CNTRL: variants seen among roughly 807,000 people sequenced by gnomAD.
The protein encoded by CNTRL is 110 kDa centrosomal protein.
Under a neutral mutation model 303.7 loss-of-function variants are expected in CNTRL, and 233 were observed. That is an observed-to-expected ratio of 0.77 (90% CI 0.69 to 0.86). The LOEUF (loss-of-function observed/expected upper bound fraction) is 0.86, where lower values mean the gene tolerates loss of function less well. CNTRL is among the 40% of genes least tolerant of loss of function. The pLI, the probability that CNTRL is intolerant of heterozygous loss-of-function variation, is 0.00. For missense variants in CNTRL, 2,524 were observed against 2,650.6 expected (o/e 0.95, Z 1.05); for synonymous variants, 900 against 922.2 (o/e 0.98, Z 0.44).
chr9:121,091,982 A>T, intron 4 of CNTRL, among the ~76,000 whole-genome samples: 1 of 142,272 alleles, frequency 7.0e-6, no homozygotes, highest in Non-Finnish European at 1.5e-5. Flanking sequence ...CCCTCTCCTC[A>T]GTCGCACTCT....
intron 2 of CNTRL, among the ~76,000 whole-genome samples, chr9:121,082,365 G>A (rs1382099275): frequency 6.6e-6 from 1 of 152,178 alleles, no homozygotes; most frequent in African/African-American, 2.4e-5. Context: ...ATACTCCTAA[G>A]TTAGGCTTTC....
intron 26 of CNTRL, among the ~76,000 whole-genome samples, chr9:121,153,844 TCTGA>T (rs1228048511): frequency 6.6e-6 from 1 of 152,192 alleles, no homozygotes; most frequent in Non-Finnish European, 1.5e-5. Context: ...GCAGCAGACA[TCTGA>T]CTAATAGTCC....
intron 19 of CNTRL, among the ~76,000 whole-genome samples, chr9:121,142,650 T>C (rs1418735867): frequency 6.6e-6 from 1 of 152,198 alleles, no homozygotes; most frequent in Non-Finnish European, 1.5e-5. Flanking sequence ...ATGGCTTTTC[T>C]CCATTCCACC....
Position 121,107,819 on chromosome 9 carries a change from G to C in CNTRL, c.826G>C (p.Glu276Gln). 4 of 1,579,796 alleles carry C rather than the reference G, an allele frequency of 2.5e-6. No homozygotes were observed. Among genetic ancestry groups the C allele is most frequent in the Non-Finnish European group, 3.4e-6 (4 of 1,168,900 alleles). Residue 276 changes from glutamate (E) to glutamine (Q), a missense_variant, in exon 8 of 44, where the codon GAA (glutamate) becomes CAA (glutamine). Glu to Gln is a conservative substitution (Grantham distance 29). Coordinates refer to ENST00000373855, the MANE Select transcript of CNTRL (RefSeq NM_007018.6). ...RFSLEEVERLERDLEKKMIET... is the reference protein window; with the variant it reads ...RFSLEEVERLQRDLEKKMIET... Reference sequence around the variant, plus strand: ...ATTGGCAGAAGAGGTAGAAAGACTGGAAAGAGACCTAGAAAAAAAGATGAT... The same window carrying C: ...ATTGGCAGAAGAGGTAGAAAGACTGCAAAGAGACCTAGAAAAAAAGATGAT...
In CNTRL at chr9:121,118,649, A is replaced by G. The variant is rs145859497; in HGVS notation, c.1650+109A>G. On this transcript the variant is annotated intron_variant, in intron 12 of 43. Transcript: ENST00000373855. ...CTGAAAGTCTGTTTTAGTTTGATGT[A>G]CAAATTTAAGTGATATATACATACA... 3 of 922,324 alleles carry G rather than the reference A, an allele frequency of 3.3e-6. No individual in the cohort carries two copies. The East Asian group carries it at 8.1e-5, about 25-fold the overall frequency. 57.1% of individuals were successfully genotyped at this position (922,324 alleles called of 1,614,324 possible).
chr9:121,094,235 T>A (rs1462701438), intron 4 of CNTRL, among the ~76,000 whole-genome samples: 3 of 152,098 alleles, frequency 2.0e-5, no homozygotes. Context: ...TAAAGATTTC[T>A]TTGGCTCACC....
chr9:121,103,104 A>C (rs1316075599), intron 7 of CNTRL, among the ~76,000 whole-genome samples: 4 of 152,152 alleles, frequency 2.6e-5, no homozygotes, highest in African/African-American at 9.7e-5. Context: ...AATCCTAAGC[A>C]AAAAGAACAA....
intron 14 of CNTRL, among the ~76,000 whole-genome samples, chr9:121,132,286 G>T (rs1294778854): frequency 6.6e-6 from 1 of 152,094 alleles, no homozygotes; most frequent in East Asian, 1.9e-4. Context: ...CGTAGATTTG[G>T]TCTTTTCACA....
rs751032577 is a variant in CNTRL at position 121,157,875 on chromosome 9, A to G, written c.4632A>G (p.Thr1544=). The G allele has an allele frequency of 8.1e-5, 131 of 1,613,932 alleles. No homozygotes were observed. In the South Asian group the frequency reaches 1.3e-3, roughly 16 times the overall value. ...TAAGCAAGAAGAAGGAAAAACTGAC[A>G]GAAGAGTAAGTAAGGCCTCTGTAGG... is the stretch of plus-strand genomic sequence containing the variant. The part of the protein sequence containing the change: ...QCLSKKKEKL[T]EELQKLQKDI... The change falls in exon 29 of 44, where the codon ACA becomes ACG. Residue 1544 remains threonine (T), a synonymous_variant. Transcript: ENST00000373855.
intron 19 of CNTRL, among the ~76,000 whole-genome samples, chr9:121,143,594 A>G (rs1404922958): frequency 6.6e-6 from 1 of 152,122 alleles, no homozygotes; most frequent in Admixed American, 6.5e-5. Flanking sequence ...CCACCATCCT[A>G]TGCCCAGGGC....
intron 26 of CNTRL, 121 bp downstream of exon 26, chr9:121,152,814 C>A (rs2052354474): frequency 2.7e-6 from 2 of 737,932 alleles, no homozygotes; most frequent in Admixed American, 5.7e-5. Flanking sequence ...TAACCACTAG[C>A]TCAGTGTGGC....
chr9:121,166,911 C>A lies in CNTRL; in HGVS notation c.5656-578C>A, dbSNP rs575936331. ...TGGCACATGCCTGTAATCCCAGCTA[C>A]TCGGGAGGCTGAGGCAGGAGAATCG... On this transcript the variant is annotated intron_variant, in intron 36 of 43. Coordinates refer to ENST00000373855, the MANE Select transcript of CNTRL (RefSeq NM_007018.6). 3.3e-5 allele frequency among the ~76,000 whole-genome samples: 5 copies of A among 152,124 alleles called. No individual in the cohort carries two copies. In the South Asian group the frequency reaches 1.0e-3, roughly 32 times the overall value.
Position 121,157,950 on chromosome 9 carries a change from A to G in CNTRL, c.4638-33A>G, listed in dbSNP as rs762758567. The G allele has an allele frequency of 3.1e-6, 5 of 1,614,122 alleles. No individual in the cohort carries two copies. In the Admixed American group the frequency reaches 8.3e-5, roughly 27 times the overall value. ...ACAGCTCTGGGGTTCCGAGTCCCTT[A>G]GGATCTGCTCTAGTGTTGCTGGTGC... On this transcript the variant is annotated intron_variant, in intron 29 of 43. Transcript: ENST00000373855.
In CNTRL at chr9:121,091,208, T is replaced by C. The variant is rs542462544; in HGVS notation, c.348+803T>C. 5.9e-5 allele frequency among the ~76,000 whole-genome samples: 9 copies of C among 152,332 alleles called. No individual in the cohort carries two copies. In the South Asian group the frequency reaches 1.7e-3, roughly 28 times the overall value. On this transcript the variant is annotated intron_variant, in intron 4 of 43. Coordinates refer to ENST00000373855, the MANE Select transcript of CNTRL (RefSeq NM_007018.6). ...ATTCCTGCTCTAGAGTGTTTACAGC[T>C]TCATTCATAAACTATACAACATGAA...
chr9:121,135,871 C>T lies in CNTRL; in HGVS notation c.2091C>T (p.Thr697=), dbSNP rs757769725. 7.4e-6 allele frequency: 12 copies of T among 1,613,882 alleles called. No homozygotes were observed. The South Asian group carries it at 1.2e-4, about 16-fold the overall frequency. The change falls in exon 15 of 44, where the codon ACC becomes ACT. Residue 697 remains threonine, a synonymous_variant. Coordinates refer to ENST00000373855, the MANE Select transcript of CNTRL (RefSeq NM_007018.6). ...QHEVNASLQQ[T]QGDLSAYEAE... ...AGGTGAATGCATCTTTGCAGCAGAC[C>T]CAGGGAGATCTCAGTGCCTATGAAG...
intron 1 of CNTRL, among the ~76,000 whole-genome samples, chr9:121,076,374 G>A: frequency 6.6e-6 from 1 of 152,112 alleles, no homozygotes; most frequent in East Asian, 1.9e-4. Flanking sequence ...GCTTTTAATA[G>A]GATGGAGAAG....
In CNTRL at chr9:121,130,428, A is replaced by G. The variant is rs555502343; in HGVS notation, c.2025+4492A>G. Among the ~76,000 whole-genome samples, 7 of 152,238 alleles carry G rather than the reference A, an allele frequency of 4.6e-5. No homozygotes were observed. The South Asian group carries it at 1.5e-3, about 32-fold the overall frequency. On this transcript the variant is annotated intron_variant, in intron 14 of 43. Transcript: ENST00000373855. ...CTAGTTTATTTGCATAAAGGTGTTT[A>G]TAGTATTCTCTGATGGTAGTTTGTA...
In CNTRL at chr9:121,141,607, G is replaced by A. The variant is rs369648162; in HGVS notation, c.2691+19G>A. 1.2e-6 allele frequency: 2 copies of A among 1,605,926 alleles called. No homozygotes were observed. On this transcript the variant is annotated intron_variant, in intron 18 of 43. Coordinates refer to ENST00000373855, the MANE Select transcript of CNTRL (RefSeq NM_007018.6). ...AGCAAGAGTAAGACAAGGGCAAGAG[G>A]CACCTGGAGGGAAGTGTTTGGCAAA...
At chr9:121,122,869 C>T (rs115361635) in intron 12 of CNTRL, among the ~76,000 whole-genome samples, 2,878 of 152,098 alleles carry the variant, frequency 0.019, 92 homozygotes, top group African/African-American at 0.066. Flanking sequence ...TGTTTTCCAC[C>T]ATGGGTTAAG....
Sources: allele counts gnomAD v4.1 joint callset (sites outside exome capture counted in the v4.1 genomes callset), GRCh38; gene constraint gnomAD v4.1.1; transcripts MANE v1.5; gene names NCBI Gene and HGNC (gene_info 2026-07-23, HGNC 2026-07-21).